RASGEF1A: variants seen among roughly 807,000 people sequenced by gnomAD.
RASGEF1A encodes ras-GEF domain-containing family member 1A.
In RASGEF1A, 18 loss-of-function variants were observed where a neutral mutation model predicts 56.4. That is an observed-to-expected ratio of 0.32 (90% CI 0.22 to 0.47). RASGEF1A has a LOEUF of 0.47. RASGEF1A is among the 20% of genes least tolerant of loss of function. The probability of loss-of-function intolerance (pLI) is 1.00; values close to 1 mark genes in which losing one functional copy is unlikely to be tolerated. For synonymous variants in RASGEF1A, 245 were observed against 242.6 expected, an observed-to-expected ratio of 1.01 and a Z score of -0.09; for missense variants, 422 against 627.1, an observed-to-expected ratio of 0.67 and a Z score of 3.49.
At chr10:43,240,918 T>C (rs1840491002) in intron 1 of RASGEF1A, among the ~76,000 whole-genome samples, 1 of 152,210 alleles carries the variant, frequency 6.6e-6, no homozygotes, top group East Asian at 1.9e-4. Flanking sequence ...CAGGAAGCAG[T>C]TGAGCTGACA....
chr10:43,259,051 T>C lies in RASGEF1A; in HGVS notation c.-7+7794A>G, dbSNP rs1588953805. Among the ~76,000 whole-genome samples the C allele has an allele frequency of 2.0e-5, 3 of 152,334 alleles. No individual in the cohort carries two copies. In the South Asian group the frequency reaches 6.2e-4, roughly 32 times the overall value. ...CAGCCTGAGCCCAGAGTTGACAACA[T>C]GACCATCAGTCAGTCCTTCCCTGGA... On this transcript the variant is annotated intron_variant, in intron 1 of 12. Coordinates refer to ENST00000395810, the MANE Select transcript of RASGEF1A (RefSeq NM_145313.4).
rs80252357 is a variant in RASGEF1A, at chr10:43,209,285, G to A, written c.-6-3163C>T. 1,555 of 902,262 alleles carry A rather than the reference G, an allele frequency of 1.7e-3. 1 individual carries two copies. The highest frequency in any genetic ancestry group is 1.9e-3 in the Non-Finnish European group (1,458 of 754,500). 55.9% of individuals were successfully genotyped at this position (902,262 alleles called of 1,614,324 possible). On this transcript the variant is annotated intron_variant, in intron 1 of 12. Coordinates refer to ENST00000395810, the MANE Select transcript of RASGEF1A (RefSeq NM_145313.4). ...CACCCCCTATGCTCCCAGAGAACCCGTTATTCCCTTACGCAGACGAGGGGT... is the reference window on the plus strand; with the variant it reads ...CACCCCCTATGCTCCCAGAGAACCCATTATTCCCTTACGCAGACGAGGGGT...
intron 1 of RASGEF1A, among the ~76,000 whole-genome samples, chr10:43,264,787 C>T (rs1836595568): frequency 6.6e-6 from 1 of 152,004 alleles, no homozygotes; most frequent in South Asian, 2.1e-4. Flanking sequence ...GTGGGCCATG[C>T]AGAGAAGAGC....
intron 1 of RASGEF1A, chr10:43,229,871 A>C: frequency 1.7e-6 from 1 of 584,996 alleles, no homozygotes; most frequent in Non-Finnish European, 2.5e-6. Flanking sequence ...CCGGCCAGGA[A>C]CGCGGGGCGG....
At chr10:43,263,378 G>A (rs1327562432) in intron 1 of RASGEF1A, among the ~76,000 whole-genome samples, 1 of 152,184 alleles carries the variant, frequency 6.6e-6, no homozygotes, top group East Asian at 1.9e-4. Flanking sequence ...AGTGAGCAGA[G>A]AACATGTCTT....
chr10:43,209,802 C>T (rs958356680), intron 1 of RASGEF1A, among the ~76,000 whole-genome samples: 3 of 152,162 alleles, frequency 2.0e-5, no homozygotes, highest in Non-Finnish European at 4.4e-5. Context: ...CAGAGCAGGC[C>T]ACCCTGACCC....
chr10:43,260,577 C>T (rs764477605), intron 1 of RASGEF1A, among the ~76,000 whole-genome samples: 6 of 152,190 alleles, frequency 3.9e-5, no homozygotes, highest in African/African-American at 9.7e-5. Flanking sequence ...CCAGACCCCA[C>T]GGAGAAGCTA....
At chr10:43,197,123 T>C (rs1341382570) in intron 10 of RASGEF1A, 24 bp from the exon 11 acceptor site, 2 of 1,611,706 alleles carry the variant, frequency 1.2e-6, no homozygotes, top group African/African-American at 2.7e-5. Context: ...AACCAACTGA[T>C]GTTCATCTGT....
chr10:43,256,257 T>G (rs1204112719), intron 1 of RASGEF1A, among the ~76,000 whole-genome samples: 1 of 152,146 alleles, frequency 6.6e-6, no homozygotes, highest in African/African-American at 2.4e-5. Flanking sequence ...CAGGTGCTGC[T>G]GGAGTCCCCC....
intron 1 of RASGEF1A, among the ~76,000 whole-genome samples, chr10:43,230,458 C>T (rs1202577022): frequency 6.6e-6 from 1 of 152,206 alleles, no homozygotes; most frequent in Non-Finnish European, 1.5e-5. Context: ...TGGTGGACCC[C>T]ACTCCCTCAG....
chr10:43,255,677 C>T (rs1460987479), intron 1 of RASGEF1A, among the ~76,000 whole-genome samples: 2 of 152,208 alleles, frequency 1.3e-5, no homozygotes, highest in East Asian at 3.8e-4. Context: ...GGACACAGGA[C>T]ACTGGTCAGG....
chr10:43,229,718 G>C, intron 1 of RASGEF1A: 1 of 1,407,186 alleles, frequency 7.1e-7, no homozygotes, highest in Middle Eastern at 1.9e-4. Flanking sequence ...CGGCTCCTCT[G>C]CCCGCGAGCC....
intron 3 of RASGEF1A, 33 bp downstream of exon 3, chr10:43,203,265 C>T (rs1483880435): frequency 6.5e-7 from 1 of 1,541,082 alleles, no homozygotes; most frequent in Admixed American, 2.0e-5. Context: ...TGCCCCCTGC[C>T]CCCGCCCGTG....
At chr10:43,234,376 G>C (rs1212964283) in intron 1 of RASGEF1A, among the ~76,000 whole-genome samples, 5 of 152,102 alleles carry the variant, frequency 3.3e-5, no homozygotes, top group African/African-American at 1.2e-4. Flanking sequence ...GCAGAGTTGG[G>C]GCAAACCCTG....
At chr10:43,210,880 T>C (rs537884251) in intron 1 of RASGEF1A, among the ~76,000 whole-genome samples, 4 of 150,904 alleles carry the variant, frequency 2.7e-5, no homozygotes, top group Non-Finnish European at 4.4e-5. Context: ...GGGACAGGCT[T>C]GCACCCAGTA....
chr10:43,206,046 A>G lies in RASGEF1A; in HGVS notation c.71T>C (p.Met24Thr). The G allele has an allele frequency of 6.2e-7, 1 of 1,609,652 alleles. No homozygotes were observed. The highest frequency in any genetic ancestry group is 8.5e-7 in the Non-Finnish European group (1 of 1,178,464). ...PSCSGQVQPG[M>T]GERGGGAGGG... ...ACCGGCCCCGCCTCCACGCTCCCCC[A>G]TGCCAGGCTGCACCTGTCCGCTACA... The change falls in exon 2 of 13, where the codon ATG becomes ACG. Residue 24 changes from methionine to threonine, a missense_variant. By Grantham distance (81) the Met-to-Thr change is moderately conservative. This residue lies in a region of RASGEF1A where 273 missense variants were observed against 339.9 expected (regional missense o/e 0.80). Coordinates refer to ENST00000395810, the MANE Select transcript of RASGEF1A (RefSeq NM_145313.4).
At chr10:43,237,582 C>A (rs1209630635) in intron 1 of RASGEF1A, among the ~76,000 whole-genome samples, 1 of 152,098 alleles carries the variant, frequency 6.6e-6, no homozygotes, top group Non-Finnish European at 1.5e-5. Flanking sequence ...CTAGAAAGAG[C>A]AGCTGCATCT....
intron 1 of RASGEF1A, among the ~76,000 whole-genome samples, chr10:43,227,840 T>G (rs957462829): frequency 6.6e-5 from 10 of 152,072 alleles, no homozygotes; most frequent in African/African-American, 1.9e-4. Flanking sequence ...CAGCCTGACC[T>G]TCCCCATCTC....
intron 1 of RASGEF1A, chr10:43,229,686 C>A (rs987308177): frequency 6.8e-7 from 1 of 1,462,638 alleles, no homozygotes. Flanking sequence ...CCGTCCTGCC[C>A]GGTCCGGCGT....
Sources: allele counts gnomAD v4.1 joint callset (sites outside exome capture counted in the v4.1 genomes callset), GRCh38; gene constraint gnomAD v4.1.1; regional missense constraint gnomAD v4.1.1; transcripts MANE v1.5; gene names NCBI Gene and HGNC (gene_info 2026-07-23, HGNC 2026-07-21).